The following ZFR variants were observed in gnomAD, a reference collection of about 807,000 sequenced individuals.
ZFR encodes zinc finger RNA binding protein, also known as zinc finger RNA-binding protein.
A neutral mutation model predicts 130.7 loss-of-function variants in ZFR; 19 were observed. The ratio of observed to expected loss-of-function variants is 0.15; its 90% CI spans 0.10 to 0.21. ZFR has a LOEUF of 0.21. ZFR is among the 10% of genes least tolerant of loss of function. The pLI is 1.00. For synonymous variants in ZFR, 466 were observed against 456.9 expected (o/e 1.02, Z -0.25); for missense variants, 872 against 1,321.5 (o/e 0.66, Z 5.27).
intron 16 of ZFR, 60 bp from the exon 17 acceptor site, chr5:32,379,270 A>C (rs772667140): frequency 6.8e-7 from 1 of 1,472,104 alleles, no homozygotes. Context: ...ATATCCCTTG[A>C]TGAAAAAAAG....
rs1166406511 is a variant in ZFR at position 32,438,252 on chromosome 5, AATTTTTT to A, written c.137+5970_137+5976del. Among the ~76,000 whole-genome samples, 100 of 83,446 alleles carry A rather than the reference AATTTTTT, an allele frequency of 1.2e-3. 9 individuals are homozygous for A. Among genetic ancestry groups the A allele is most frequent in the East Asian group, 1.6e-3 (6 of 3,718 alleles). 54.7% of individuals were successfully genotyped at this position (83,446 alleles called of 152,430 possible). A position where few individuals can be genotyped will look rare whatever the true frequency, so the allele number is the denominator to read the frequency against. The stretch of plus-strand genomic sequence containing the variant: ...AAGAATGCTACTGATTTTATCTGAA[AATTTTTT>A]TTTTTTTTTTTTTTTTTTTTTGAGA... On this transcript the variant is annotated intron_variant, in intron 2 of 19. Coordinates refer to ENST00000265069, the MANE Select transcript of ZFR (RefSeq NM_016107.5).
intron 11 of ZFR, among the ~76,000 whole-genome samples, chr5:32,391,421 C>T (rs1376123611): frequency 6.6e-6 from 1 of 151,860 alleles, no homozygotes; most frequent in Non-Finnish European, 1.5e-5. Context: ...GTTCAGATTA[C>T]AAAATACTAT....
intron 8 of ZFR, among the ~76,000 whole-genome samples, chr5:32,401,238 T>C (rs1215523934): frequency 6.6e-6 from 1 of 152,258 alleles, no homozygotes; most frequent in Non-Finnish European, 1.5e-5. Context: ...GATACGGCGC[T>C]AAGTTCTGGT....
At chr5:32,423,388 C>T (rs1408261734) in intron 2 of ZFR, among the ~76,000 whole-genome samples, 1 of 151,758 alleles carries the variant, frequency 6.6e-6, no homozygotes, top group Non-Finnish European at 1.5e-5. Context: ...CAACACAAAT[C>T]ACCACATGTC....
At chr5:32,431,822 A>T (rs1754231093) in intron 2 of ZFR, among the ~76,000 whole-genome samples, 1 of 151,458 alleles carries the variant, frequency 6.6e-6, no homozygotes, top group African/African-American at 2.4e-5. Flanking sequence ...AAGACAAAGC[A>T]ACTTTATTCT....
In ZFR at chr5:32,418,523, T is replaced by A. The variant is rs2331007; in HGVS notation, c.421-731A>T. ...GAGCTGAGTGAATTCTGGCAGTCCATGAAGTAAAGAGGGGTAGAAAGGTAT... is the reference window on the plus strand; with the variant it reads ...GAGCTGAGTGAATTCTGGCAGTCCAAGAAGTAAAGAGGGGTAGAAAGGTAT... On this transcript the variant is annotated intron_variant, in intron 3 of 19. Coordinates refer to ENST00000265069, the MANE Select transcript of ZFR (RefSeq NM_016107.5). Among the ~76,000 whole-genome samples the A allele has an allele frequency of 4.8e-4, 73 of 152,068 alleles. 1 individual carries two copies. The highest frequency in any genetic ancestry group is 1.5e-3 in the East Asian group (8 of 5,178).
At chr5:32,421,593 G>A (rs554133168) in intron 2 of ZFR, among the ~76,000 whole-genome samples, 4 of 152,224 alleles carry the variant, frequency 2.6e-5, no homozygotes, top group African/African-American at 9.6e-5. Flanking sequence ...ATTCAGTCTA[G>A]AAAAGGTGAC....
chr5:32,390,640 A>G (rs1358003894), intron 11 of ZFR, among the ~76,000 whole-genome samples: 1 of 152,240 alleles, frequency 6.6e-6, no homozygotes, highest in African/African-American at 2.4e-5. Context: ...AGAAAATTTC[A>G]GCCTGAGGAA....
In ZFR at chr5:32,397,233, T is replaced by C; in HGVS notation, c.1819A>G (p.Arg607Gly). ...KEMHLKGRRH[R>G]LQYKKKVNPD... Reference sequence around the variant, plus strand: ...ATTTTACTCACTTTATATTGAAGTCTGTGTCTTCGCCCTTTTAAGTGCATC... The same window carrying C: ...ATTTTACTCACTTTATATTGAAGTCCGTGTCTTCGCCCTTTTAAGTGCATC... Residue 607 changes from arginine (R) to glycine (G), a missense_variant, in exon 10 of 20, where the codon AGA (arginine) becomes GGA (glycine). Arg to Gly is a moderately radical substitution (Grantham distance 125). Around this residue, in one of 7 missense-constraint regions of ZFR, gnomAD observed 54 missense variants for 119.9 expected, o/e 0.45. Transcript: ENST00000265069. The C allele has an allele frequency of 6.2e-7, 1 of 1,607,790 alleles. No individual in the cohort carries two copies.
At chr5:32,417,293 A>G (rs1753849490) in intron 4 of ZFR, among the ~76,000 whole-genome samples, 1 of 152,178 alleles carries the variant, frequency 6.6e-6, no homozygotes, top group South Asian at 2.1e-4. Flanking sequence ...ATATGGGCCC[A>G]TTAAAGGGTC....
In ZFR at chr5:32,382,678, C is replaced by T. The variant is rs150997946; in HGVS notation, c.2642-2506G>A. On this transcript the variant is annotated intron_variant, in intron 15 of 19. Coordinates refer to ENST00000265069, the MANE Select transcript of ZFR (RefSeq NM_016107.5). ...AGGCCAGAGTGCAATGGCATGATCTCGGCTCACTGCAACCTACACCTTCTG... is the reference window on the plus strand; with the variant it reads ...AGGCCAGAGTGCAATGGCATGATCTTGGCTCACTGCAACCTACACCTTCTG... Among the ~76,000 whole-genome samples the T allele has an allele frequency of 2.0e-3, 304 of 152,088 alleles. 1 individual carries two copies. Among genetic ancestry groups the T allele is most frequent in the African/African-American group, 7.1e-3 (294 of 41,492 alleles).
chr5:32,393,082 ATG>A lies in ZFR; in HGVS notation c.1979+2075_1979+2076del, dbSNP rs1214282323. Reference sequence around the variant, plus strand: ...TACAGTGAAATTATCCAGAGGCAACATGTGTTATTCACCACATATGAACACAA... The same window carrying A: ...TACAGTGAAATTATCCAGAGGCAACATGTTATTCACCACATATGAACACAA... On this transcript the variant is annotated intron_variant, in intron 11 of 19. Transcript: ENST00000265069. 3.3e-5 allele frequency among the ~76,000 whole-genome samples: 5 copies of A among 152,350 alleles called. No individual in the cohort carries two copies. The East Asian group carries it at 9.6e-4, about 29-fold the overall frequency.
chr5:32,431,630 A>C (rs1754218641), intron 2 of ZFR, among the ~76,000 whole-genome samples: 1 of 152,206 alleles, frequency 6.6e-6, no homozygotes, highest in Non-Finnish European at 1.5e-5. Flanking sequence ...CTTTCATGGC[A>C]CATGAAACAC....
chr5:32,383,653 C>T (rs759965615), intron 15 of ZFR: 155 of 371,618 alleles, frequency 4.2e-4, no homozygotes, highest in Non-Finnish European at 7.6e-4. Flanking sequence ...ATTGTTCTTC[C>T]GGCAAAGCCT....
Position 32,444,707 on chromosome 5 carries a change from C to T in ZFR, c.-49G>A. ...CTCTGAACTCTCACCCGCTGCCTCC[C>T]TCCTCTGCCCCGCTCCTCCTCAGCG... On this transcript the variant is annotated 5_prime_UTR_variant, in exon 1 of 20. Coordinates refer to ENST00000265069, the MANE Select transcript of ZFR (RefSeq NM_016107.5). 6.7e-7 allele frequency: 1 copy of T among 1,499,178 alleles called. No homozygotes were observed. The highest frequency in any genetic ancestry group is 8.9e-7 in the Non-Finnish European group (1 of 1,124,148). 92.9% of individuals were successfully genotyped at this position (1,499,178 alleles called of 1,614,324 possible).
chr5:32,415,748 A>G (rs1222449857), intron 4 of ZFR, among the ~76,000 whole-genome samples: 1 of 152,184 alleles, frequency 6.6e-6, no homozygotes, highest in Non-Finnish European at 1.5e-5. Context: ...GAATGCAGCT[A>G]TTCTTAAATG....
intron 15 of ZFR, among the ~76,000 whole-genome samples, chr5:32,382,886 T>G (rs1452094563): frequency 6.6e-6 from 1 of 152,164 alleles, no homozygotes; most frequent in African/African-American, 2.4e-5. Flanking sequence ...ACCCCTTATA[T>G]TCTGCTAAAA....
At chr5:32,407,094 A>G in intron 5 of ZFR, 73 bp from the exon 6 acceptor site, 1 of 1,254,954 alleles carries the variant, frequency 8.0e-7, no homozygotes, top group Non-Finnish European at 1.1e-6. Flanking sequence ...ACAAATTTAA[A>G]TTAAATTAAT....
In ZFR at chr5:32,403,969, G is replaced by A. The variant is rs1373004174; in HGVS notation, c.1161C>T (p.Cys387=). ...GTQNQLRCEL[C]DVSCTGADAY... is the part of the protein sequence containing the mutation. Reference sequence around the variant, plus strand: ...CATCTGCTCCTGTACAAGACACATCGCAGAGCTCACAACGTAGCTGATTTT... The same window carrying A: ...CATCTGCTCCTGTACAAGACACATCACAGAGCTCACAACGTAGCTGATTTT... Residue 387 remains cysteine (C), a synonymous_variant, in exon 7 of 20, where the codon TGC becomes TGT. Coordinates refer to ENST00000265069, the MANE Select transcript of ZFR (RefSeq NM_016107.5). The A allele has an allele frequency of 3.7e-6, 6 of 1,613,758 alleles. No homozygotes were observed. The highest frequency in any genetic ancestry group is 1.3e-5 in the African/African-American group (1 of 74,890).
Sources: allele counts gnomAD v4.1 joint callset (sites outside exome capture counted in the v4.1 genomes callset), GRCh38; gene constraint gnomAD v4.1.1; regional missense constraint gnomAD v4.1.1; transcripts MANE v1.5; gene names NCBI Gene and HGNC (gene_info 2026-07-23, HGNC 2026-07-21).